The following RPTOR variants were observed in gnomAD, a reference collection of about 807,000 sequenced individuals.
The protein encoded by RPTOR is regulatory associated protein of MTOR complex 1, also known as regulatory-associated protein of mTOR.
A neutral mutation model predicts 169.9 loss-of-function variants in RPTOR; 21 were observed. That is an observed-to-expected ratio of 0.12 (90% confidence interval 0.09 to 0.18). RPTOR has a LOEUF of 0.18. Ranked by LOEUF, RPTOR falls within the 10% of genes least tolerant of loss-of-function variation. RPTOR has a pLI of 1.00. For missense variants in RPTOR, 1,133 were observed against 1,855.9 expected, an observed-to-expected ratio of 0.61 and a Z score of 7.16; for synonymous variants, 732 against 753.2, an observed-to-expected ratio of 0.97 and a Z score of 0.46.
At position 80,845,379 on chromosome 17, in the gene RPTOR, C is replaced by A. The variant is rs1287769888; in HGVS notation, c.1213-1094C>A. 6.6e-6 allele frequency among the ~76,000 whole-genome samples: 1 copy of A among 152,136 alleles called. No individual in the cohort carries two copies. The highest frequency in any genetic ancestry group is 2.4e-5 in the African/African-American group (1 of 41,426). ...GCGCGCCTTCTCTGTCCAGCTGCAA[C>A]CCCTCCTCCCGCCCTCACCCCAGAG... On this transcript the variant is annotated intron_variant, in intron 10 of 33. Coordinates refer to ENST00000306801, the MANE Select transcript of RPTOR (RefSeq NM_020761.3). This position sits in a 1 kb window ranked among gnomAD's most constrained non-coding sequence, Gnocchi z 5.4.
intron 5 of RPTOR, among the ~76,000 whole-genome samples, chr17:80,740,962 C>T (rs2066476938): frequency 1.3e-5 from 2 of 152,170 alleles, no homozygotes; most frequent in Admixed American, 6.5e-5. Context: ...CAGGGAAACG[C>T]AAATCAAAAC....
At chr17:80,545,975 G>A (rs973608980) in intron 1 of RPTOR, among the ~76,000 whole-genome samples, 184 bp downstream of exon 1, 1 of 152,176 alleles carries the variant, frequency 6.6e-6, no homozygotes, top group African/African-American at 2.4e-5. Flanking sequence ...TGCTGTTTTG[G>A]TTAGTCATTA....
chr17:80,854,068 T>A (rs777140461), intron 11 of RPTOR, among the ~76,000 whole-genome samples: 2 of 151,908 alleles, frequency 1.3e-5, no homozygotes, highest in Non-Finnish European at 2.9e-5. Context: ...TATAAAGAAC[T>A]CTGACATGTC....
At chr17:80,809,693 A>G (rs944466704) in intron 7 of RPTOR, among the ~76,000 whole-genome samples, 5 of 152,138 alleles carry the variant, frequency 3.3e-5, no homozygotes, top group Non-Finnish European at 5.9e-5. Context: ...TCTTTGTCCT[A>G]TCTATACATT....
intron 13 of RPTOR, among the ~76,000 whole-genome samples, chr17:80,871,858 T>G (rs1183771919): frequency 6.6e-6 from 1 of 152,172 alleles, no homozygotes; most frequent in Non-Finnish European, 1.5e-5. Context: ...AGTACCATCT[T>G]CCAGCTGACT....
intron 24 of RPTOR, among the ~76,000 whole-genome samples, chr17:80,927,510 C>G (rs2068824412): frequency 6.6e-6 from 1 of 152,064 alleles, no homozygotes; most frequent in African/African-American, 2.4e-5. Flanking sequence ...TTTGACTTTT[C>G]CCCAAAGGAT....
chr17:80,911,804 T>C (rs2068616179), intron 21 of RPTOR, among the ~76,000 whole-genome samples: 1 of 152,102 alleles, frequency 6.6e-6, no homozygotes, highest in African/African-American at 2.4e-5. Context: ...TGTTTAAAAA[T>C]ATATGTTTGT....
intron 3 of RPTOR, among the ~76,000 whole-genome samples, chr17:80,704,597 C>T (rs191334196): frequency 2.2e-4 from 34 of 152,348 alleles, no homozygotes; most frequent in African/African-American, 7.9e-4. Context: ...TACACCACTT[C>T]AACCTCAGGC....
intron 3 of RPTOR, among the ~76,000 whole-genome samples, chr17:80,657,026 C>T (rs2065685027): frequency 6.6e-6 from 1 of 152,244 alleles, no homozygotes; most frequent in Non-Finnish European, 1.5e-5. Flanking sequence ...TCCAATTTCT[C>T]AGCGTTTCGT....
intron 20 of RPTOR, among the ~76,000 whole-genome samples, chr17:80,900,881 T>C (rs1253849466): frequency 6.6e-6 from 1 of 152,270 alleles, no homozygotes; most frequent in African/African-American, 2.4e-5. Flanking sequence ...TGGGTCACCA[T>C]GGCACCATTG....
At chr17:80,880,566 G>T in intron 14 of RPTOR, 77 bp downstream of exon 14, 1 of 1,408,458 alleles carries the variant, frequency 7.1e-7, no homozygotes. Context: ...ACTGCGGTGG[G>T]GCCTTTTGAC....
chr17:80,719,864 A>G (rs1473713060), intron 4 of RPTOR, among the ~76,000 whole-genome samples: 1 of 152,156 alleles, frequency 6.6e-6, no homozygotes, highest in Non-Finnish European at 1.5e-5. Flanking sequence ...TTCTTTTATT[A>G]CAGTTAAATA....
chr17:80,813,074 G>A (rs942359802), intron 7 of RPTOR, among the ~76,000 whole-genome samples: 1 of 152,164 alleles, frequency 6.6e-6, no homozygotes, highest in African/African-American at 2.4e-5. Context: ...CCTTTAAGTT[G>A]CAAACTATTC....
intron 13 of RPTOR, among the ~76,000 whole-genome samples, chr17:80,864,719 G>A (rs751689415): frequency 2.0e-5 from 3 of 152,210 alleles, no homozygotes; most frequent in Non-Finnish European, 2.9e-5. Context: ...CAGCAGAAAT[G>A]AGTACTATGT....
chr17:80,660,036 C>T (rs1420759643), intron 3 of RPTOR, among the ~76,000 whole-genome samples: 5 of 151,864 alleles, frequency 3.3e-5, no homozygotes, highest in East Asian at 3.9e-4. Flanking sequence ...TTTGGGAAGC[C>T]GAGGTGGGCG....
At chr17:80,680,640 A>G (rs2065891409) in intron 3 of RPTOR, among the ~76,000 whole-genome samples, 1 of 152,018 alleles carries the variant, frequency 6.6e-6, no homozygotes. Flanking sequence ...AAAAACAAAC[A>G]AACAGACAAA....
chr17:80,827,114 T>C (rs910342373), intron 9 of RPTOR, among the ~76,000 whole-genome samples: 1 of 152,122 alleles, frequency 6.6e-6, no homozygotes, highest in Non-Finnish European at 1.5e-5. Flanking sequence ...CTGTGCCAAA[T>C]TGAAGCTGAT....
chr17:80,840,455 T>TTGCACCGCAGCTCACGCTCAC (rs2067619164), intron 10 of RPTOR, among the ~76,000 whole-genome samples: 1 of 45,050 alleles, frequency 2.2e-5, no homozygotes, highest in Non-Finnish European at 3.6e-5. Context: ...CTCACTCTCT[T>TTGCACCGCAGCTCACGCTCAC]TGCACCGCAG....
Position 80,964,354 on chromosome 17 carries a change from C to T in RPTOR, c.*24C>T. ...AGCGGCGTGACCCGGGCCCACCAGG[C>T]CACGGCCGCCTGCTGTACATAGTGA... On this transcript the variant is annotated 3_prime_UTR_variant, in exon 34 of 34. Coordinates refer to ENST00000306801, the MANE Select transcript of RPTOR (RefSeq NM_020761.3). The T allele has an allele frequency of 6.2e-7, 1 of 1,601,662 alleles. No individual in the cohort carries two copies.
Sources: gnomAD v4.1 joint callset for allele counts (sites outside exome capture counted in the v4.1 genomes callset) on GRCh38, gnomAD v4.1.1 for gene constraint, Gnocchi (gnomAD v3.1) non-coding constraint, MANE v1.5 for transcripts, NCBI Gene and HGNC (gene_info 2026-07-23, HGNC 2026-07-21) for gene names.